DIPK1A: variants seen among roughly 807,000 people sequenced by gnomAD.
The protein encoded by DIPK1A is divergent protein kinase domain 1A, also known as family with sequence similarity 69 member A.
A neutral mutation model predicts 40.8 loss-of-function variants in DIPK1A; 27 were observed. That is an observed-to-expected ratio of 0.66 (90% CI 0.49 to 0.91). The LOEUF is 0.91. DIPK1A is among the 40% of genes least tolerant of loss of function. DIPK1A has a pLI of 0.00. For synonymous variants in DIPK1A, 166 were observed against 171.3 expected, an observed-to-expected ratio of 0.97 and a Z score of 0.24; for missense variants, 412 against 505.7, an observed-to-expected ratio of 0.81 and a Z score of 1.78.
intron 1 of DIPK1A, among the ~76,000 whole-genome samples, chr1:92,922,303 T>C (rs1461195115): frequency 1.3e-5 from 2 of 151,796 alleles, no homozygotes; most frequent in Non-Finnish European, 2.9e-5. Flanking sequence ...AAATATTTCT[T>C]TTCAGTTTTT....
chr1:92,883,792 T>C (rs560726038), intron 1 of DIPK1A, among the ~76,000 whole-genome samples: 5 of 152,222 alleles, frequency 3.3e-5, no homozygotes, highest in East Asian at 1.9e-4. Flanking sequence ...AGAATTAATA[T>C]AGGAGAGGAC....
chr1:92,913,991 A>T (rs752095618), intron 1 of DIPK1A, among the ~76,000 whole-genome samples: 4 of 152,140 alleles, frequency 2.6e-5, no homozygotes, highest in Non-Finnish European at 5.9e-5. Flanking sequence ...AGTCAAAGAA[A>T]ATCAGTGAAA....
At chr1:92,960,639 C>G (rs563937852) in intron 1 of DIPK1A, among the ~76,000 whole-genome samples, 47 of 152,242 alleles carry the variant, frequency 3.1e-4, no homozygotes, top group African/African-American at 1.1e-3. Context: ...ACACGCGAAC[C>G]GTACACACGA....
chr1:92,945,285 C>A (rs534861030), intron 1 of DIPK1A, among the ~76,000 whole-genome samples: 8 of 151,680 alleles, frequency 5.3e-5, no homozygotes, highest in Non-Finnish European at 1.0e-4. Context: ...AAACTCCCTG[C>A]AAAAATTTTT....
intron 1 of DIPK1A, among the ~76,000 whole-genome samples, chr1:92,958,881 T>C (rs1651947797): frequency 6.6e-6 from 1 of 152,240 alleles, no homozygotes; most frequent in Admixed American, 6.5e-5. Context: ...TTATTAACTT[T>C]GTTAGGCATG....
rs1027016318 is a variant in DIPK1A, at chr1:92,910,262, T to C, written c.55-33832A>G. 2.6e-5 allele frequency among the ~76,000 whole-genome samples: 4 copies of C among 152,188 alleles called. No individual in the cohort carries two copies. In the East Asian group the frequency reaches 7.7e-4, roughly 29 times the overall value. On this transcript the variant is annotated intron_variant, in intron 1 of 4. Transcript: ENST00000370310. Reference sequence around the variant, plus strand: ...AACAAGTATGATTTATTGTTCATAATTGTTGATCTCTTGAGTCAGAATTCA... The same window carrying C: ...AACAAGTATGATTTATTGTTCATAACTGTTGATCTCTTGAGTCAGAATTCA...
chr1:92,842,977 G>C lies in DIPK1A; in HGVS notation c.*406C>G. 1 of 993,792 alleles carries C rather than the reference G, an allele frequency of 1.0e-6. No individual in the cohort carries two copies. The highest frequency in any genetic ancestry group is 1.2e-6 in the Non-Finnish European group (1 of 835,372). 61.6% of individuals were successfully genotyped at this position (993,792 alleles called of 1,614,324 possible). A position where few individuals can be genotyped will look rare whatever the true frequency, so the allele number is the denominator to read the frequency against. ...TAATGTGCAAACTTTACCATGCTAA[G>C]ACATTAGTAAATTTATAAATTTTCT... On this transcript the variant is annotated 3_prime_UTR_variant, in exon 5 of 5. Coordinates refer to ENST00000370310, the MANE Select transcript of DIPK1A (RefSeq NM_001006605.5).
At chr1:92,909,144 T>C (rs1217176722) in intron 1 of DIPK1A, among the ~76,000 whole-genome samples, 1 of 152,184 alleles carries the variant, frequency 6.6e-6, no homozygotes, top group Non-Finnish European at 1.5e-5. Flanking sequence ...TAAAACTCTT[T>C]TCTAAGAGGA....
intron 4 of DIPK1A, chr1:92,835,082 A>C (rs1158859245): frequency 1.0e-6 from 1 of 955,358 alleles, no homozygotes; most frequent in African/African-American, 1.6e-5. Context: ...CTTTCCAATA[A>C]AATTTTCTGC....
At chr1:92,881,172 CA>C (rs71094212) in intron 1 of DIPK1A, among the ~76,000 whole-genome samples, 2,857 of 50,566 alleles carry the variant, frequency 0.057, 21 homozygotes, top group African/African-American at 0.18. Context: ...GACTCGGTCT[CA>C]AAAAAAAAAA....
chr1:92,948,334 G>A (rs1651452364), intron 1 of DIPK1A, among the ~76,000 whole-genome samples: 1 of 152,146 alleles, frequency 6.6e-6, no homozygotes, highest in Non-Finnish European at 1.5e-5. Context: ...GGTACATGAG[G>A]TGGTGGTGGC....
intron 1 of DIPK1A, among the ~76,000 whole-genome samples, chr1:92,960,019 T>C (rs1268119524): frequency 6.8e-6 from 1 of 146,822 alleles, no homozygotes; most frequent in Non-Finnish European, 1.5e-5. Flanking sequence ...GCCTCCCAAG[T>C]GCCGGGATTA....
intron 2 of DIPK1A, among the ~76,000 whole-genome samples, chr1:92,860,414 A>T (rs1647206450): frequency 6.6e-6 from 1 of 152,090 alleles, no homozygotes; most frequent in Non-Finnish European, 1.5e-5. Flanking sequence ...GCTAATTATA[A>T]GGAAACACAA....
chr1:92,897,406 C>CA (rs942225726), intron 1 of DIPK1A, among the ~76,000 whole-genome samples: 32 of 147,906 alleles, frequency 2.2e-4, no homozygotes, highest in African/African-American at 6.0e-4. Context: ...ATCGCAAGGA[C>CA]AAAAAAAACA....
chr1:92,854,914 G>A (rs1687933378), intron 2 of DIPK1A, among the ~76,000 whole-genome samples: 1 of 152,186 alleles, frequency 6.6e-6, no homozygotes, highest in African/African-American at 2.4e-5. Context: ...GGAGGAGCTT[G>A]AGTGAAAGCT....
At chr1:92,844,526 CAT>C (rs1421132232) in intron 4 of DIPK1A, among the ~76,000 whole-genome samples, 1 of 152,206 alleles carries the variant, frequency 6.6e-6, no homozygotes, top group Non-Finnish European at 1.5e-5. Context: ...ACCACCGCCT[CAT>C]ATGTGGACTT....
Position 92,897,301 on chromosome 1 carries a change from T to C in DIPK1A, c.55-20871A>G, listed in dbSNP as rs547254810. 3.7e-3 allele frequency among the ~76,000 whole-genome samples: 568 copies of C among 152,246 alleles called. 5 individuals are homozygous for C. Among genetic ancestry groups the C allele is most frequent in the Non-Finnish European group, 4.6e-3 (313 of 67,998 alleles). On this transcript the variant is annotated intron_variant, in intron 1 of 4. Coordinates refer to ENST00000370310, the MANE Select transcript of DIPK1A (RefSeq NM_001006605.5). ...CTGGATTAAGAAAATGTGGCACATA[T>C]ACACCATGGAATACTATGCAGCCAT...
chr1:92,859,406 C>T (rs1688095842), intron 2 of DIPK1A, among the ~76,000 whole-genome samples: 1 of 151,992 alleles, frequency 6.6e-6, no homozygotes, highest in African/African-American at 2.4e-5. Context: ...AATCTCTCTC[C>T]CCCCTGCCCG....
intron 4 of DIPK1A, chr1:92,834,997 A>C (rs754641731): frequency 2.3e-5 from 37 of 1,580,446 alleles, no homozygotes; most frequent in Non-Finnish European, 3.0e-5. Context: ...CATGGATAAG[A>C]TAGCTTAAGT....
Sources: gnomAD v4.1 joint callset for allele counts (sites outside exome capture counted in the v4.1 genomes callset) on GRCh38, gnomAD v4.1.1 for gene constraint, MANE v1.5 for transcripts, NCBI Gene and HGNC (gene_info 2026-07-23, HGNC 2026-07-21) for gene names.